Variants in SLC24A3 observed in about 807,000 individuals in gnomAD.
The protein encoded by SLC24A3 is sodium/potassium/calcium exchanger 3.
Under a neutral mutation model 75.8 loss-of-function variants are expected in SLC24A3, and 28 were observed. That is an observed-to-expected ratio of 0.37 (90% CI 0.27 to 0.51). The LOEUF (loss-of-function observed/expected upper bound fraction) is 0.51. Ranked by LOEUF, SLC24A3 falls within the 20% of genes least tolerant of loss-of-function variation. SLC24A3 has a pLI of 0.94. For synonymous variants in SLC24A3, 372 were observed against 334.1 expected (o/e 1.11, Z -1.24); for missense variants, 663 against 847.8 (o/e 0.78, Z 2.71).
chr20:19,362,467 T>C (rs776885734), intron 2 of SLC24A3, among the ~76,000 whole-genome samples: 2 of 152,210 alleles, frequency 1.3e-5, no homozygotes, highest in African/African-American at 4.8e-5. Flanking sequence ...AGGCTTCTTA[T>C]AGGAAATAAA....
At chr20:19,448,882 G>A (rs1297681881) in intron 2 of SLC24A3, among the ~76,000 whole-genome samples, 3 of 152,210 alleles carry the variant, frequency 2.0e-5, no homozygotes, top group Admixed American at 6.5e-5. Flanking sequence ...GCAGAAGGCT[G>A]TAAAGCCATT....
chr20:19,628,874 T>A (rs772000662), intron 6 of SLC24A3, among the ~76,000 whole-genome samples: 2 of 152,182 alleles, frequency 1.3e-5, no homozygotes, highest in Non-Finnish European at 2.9e-5. Flanking sequence ...GGAGAAGATG[T>A]TCCCTGTCTG....
chr20:19,395,653 G>A (rs934432648), intron 2 of SLC24A3, among the ~76,000 whole-genome samples: 2 of 152,222 alleles, frequency 1.3e-5, no homozygotes, highest in Non-Finnish European at 2.9e-5. Flanking sequence ...GAAAATGTCA[G>A]AACACTGCGG....
At chr20:19,691,985 C>T (rs745706960) in intron 12 of SLC24A3, among the ~76,000 whole-genome samples, 1 of 152,138 alleles carries the variant, frequency 6.6e-6, no homozygotes, top group Non-Finnish European at 1.5e-5. Flanking sequence ...CACTGTGCCT[C>T]GGCCCTTTAA....
At chr20:19,343,502 C>T (rs370293828) in intron 2 of SLC24A3, among the ~76,000 whole-genome samples, 4 of 152,114 alleles carry the variant, frequency 2.6e-5, no homozygotes, top group East Asian at 3.9e-4. Context: ...CTCATCATTA[C>T]GGCAGATATT....
intron 2 of SLC24A3, among the ~76,000 whole-genome samples, chr20:19,481,349 C>T (rs879284062): frequency 1.3e-5 from 2 of 152,108 alleles, no homozygotes; most frequent in African/African-American, 2.4e-5. Context: ...TTTATACAGC[C>T]CTGTGAAGTG....
At chr20:19,354,584 GTGTA>G (rs1390927539) in intron 2 of SLC24A3, among the ~76,000 whole-genome samples, 1 of 138,100 alleles carries the variant, frequency 7.2e-6, no homozygotes, top group Non-Finnish European at 1.5e-5. Flanking sequence ...TAAAAAATTT[GTGTA>G]TGTGTGTGTG....
intron 2 of SLC24A3, among the ~76,000 whole-genome samples, chr20:19,430,262 C>G (rs1987077037): frequency 6.6e-6 from 1 of 152,188 alleles, no homozygotes; most frequent in South Asian, 2.1e-4. Context: ...CTTCTGTTTT[C>G]TGGGCTCACT....
At chr20:19,695,139 C>T (rs535640700) in intron 13 of SLC24A3, among the ~76,000 whole-genome samples, 11 of 152,272 alleles carry the variant, frequency 7.2e-5, no homozygotes, top group African/African-American at 2.4e-4. Flanking sequence ...TGAAAGGAGG[C>T]AAGGCAAGCA....
chr20:19,425,595 T>C (rs532982902), intron 2 of SLC24A3, among the ~76,000 whole-genome samples: 1 of 152,266 alleles, frequency 6.6e-6, no homozygotes, highest in Admixed American at 6.5e-5. Context: ...AGTATTGCTG[T>C]CCTAAGTTGT....
At chr20:19,340,854 A>C (rs147307049) in intron 2 of SLC24A3, among the ~76,000 whole-genome samples, 2 of 152,362 alleles carry the variant, frequency 1.3e-5, no homozygotes, top group African/African-American at 4.8e-5. Flanking sequence ...ACAGTTGCAC[A>C]GGGTAATTTG....
At chr20:19,579,954 C>A in intron 3 of SLC24A3, 46 bp from the exon 4 acceptor site, 1 of 1,444,286 alleles carries the variant, frequency 6.9e-7, no homozygotes, top group Non-Finnish European at 9.7e-7. Context: ...ATCTTCCTGG[C>A]TCTGCCTCAC....
At chr20:19,690,520 T>C (rs2032733148) in intron 12 of SLC24A3, among the ~76,000 whole-genome samples, 1 of 152,152 alleles carries the variant, frequency 6.6e-6, no homozygotes, top group Non-Finnish European at 1.5e-5. Flanking sequence ...AATCTTTGAT[T>C]GGGTGTGTAT....
chr20:19,305,658 A>G (rs1984307126), intron 2 of SLC24A3, among the ~76,000 whole-genome samples: 1 of 152,036 alleles, frequency 6.6e-6, no homozygotes, highest in African/African-American at 2.4e-5. Context: ...TGGGGAAAGG[A>G]CTCCTTACGC....
intron 2 of SLC24A3, among the ~76,000 whole-genome samples, chr20:19,513,058 T>G (rs1008526863): frequency 6.6e-6 from 1 of 152,020 alleles, no homozygotes; most frequent in East Asian, 1.9e-4. Context: ...CTTTCAACCC[T>G]AGGACTGGCC....
chr20:19,585,977 C>T (rs1431495597), intron 6 of SLC24A3, among the ~76,000 whole-genome samples: 1 of 152,192 alleles, frequency 6.6e-6, no homozygotes, highest in African/African-American at 2.4e-5. Flanking sequence ...ATGCAGTCAT[C>T]ACGGTTTAGG....
At chr20:19,484,548 G>A (rs1987658848) in intron 2 of SLC24A3, among the ~76,000 whole-genome samples, 2 of 152,224 alleles carry the variant, frequency 1.3e-5, no homozygotes, top group African/African-American at 2.4e-5. Flanking sequence ...CACAACGGAT[G>A]AGCCTTGAAG....
intron 2 of SLC24A3, among the ~76,000 whole-genome samples, chr20:19,297,383 C>T (rs573562645): frequency 1.2e-3 from 178 of 152,256 alleles, no homozygotes; most frequent in African/African-American, 3.9e-3. Flanking sequence ...ATAGGACATA[C>T]CATCATCCCA....
At chr20:19,228,037 C>T (rs1224401125) in intron 1 of SLC24A3, among the ~76,000 whole-genome samples, 1 of 152,064 alleles carries the variant, frequency 6.6e-6, no homozygotes, top group Non-Finnish European at 1.5e-5. Context: ...TCTATTTCTT[C>T]CTTACATTTA....
Sources: gnomAD v4.1 joint callset for allele counts (sites outside exome capture counted in the v4.1 genomes callset) on GRCh38, gnomAD v4.1.1 for gene constraint, MANE v1.5 for transcripts, NCBI Gene and HGNC (gene_info 2026-07-23, HGNC 2026-07-21) for gene names.